The following CNTNAP2 variants were observed in gnomAD, a reference collection of about 807,000 sequenced individuals.
The protein encoded by CNTNAP2 is contactin-associated protein-like 2.
Under a neutral mutation model 155.2 loss-of-function variants are expected in CNTNAP2, and 98 were observed. That is an observed-to-expected ratio of 0.63 (90% CI 0.54 to 0.75). The LOEUF (loss-of-function observed/expected upper bound fraction) is 0.75. Among genes scored for constraint, CNTNAP2 ranks in the 30% least tolerant of loss-of-function variants. The pLI, the probability that CNTNAP2 is intolerant of heterozygous loss-of-function variation, is 0.00. For synonymous variants in CNTNAP2, 651 were observed against 631.2 expected (o/e 1.03, Z -0.47); for missense variants, 1,727 against 1,688.1 (o/e 1.02, Z -0.40).
At chr7:146,989,487 C>G (rs1318056460) in intron 3 of CNTNAP2, among the ~76,000 whole-genome samples, 1 of 151,950 alleles carries the variant, frequency 6.6e-6, no homozygotes, top group African/African-American at 2.4e-5. Flanking sequence ...AGGAAGAGAT[C>G]TTGTCAGCAC....
intron 10 of CNTNAP2, among the ~76,000 whole-genome samples, chr7:147,461,272 C>T (rs1307413112): frequency 6.6e-6 from 1 of 152,162 alleles, no homozygotes; most frequent in Non-Finnish European, 1.5e-5. Context: ...ATCTTTGCTA[C>T]TGAGACACAA....
chr7:147,333,524 G>T (rs1330609533), intron 9 of CNTNAP2, among the ~76,000 whole-genome samples: 1 of 152,050 alleles, frequency 6.6e-6, no homozygotes, highest in East Asian at 1.9e-4. Context: ...TATAATAAAA[G>T]AACCAAACCA....
At chr7:147,449,340 A>G (rs759514502) in intron 10 of CNTNAP2, among the ~76,000 whole-genome samples, 2 of 152,146 alleles carry the variant, frequency 1.3e-5, no homozygotes, top group African/African-American at 2.4e-5. Context: ...GAATGGCTAC[A>G]AGCAACGTTC....
chr7:147,675,791 A>G (rs1416079383), intron 13 of CNTNAP2, among the ~76,000 whole-genome samples: 1 of 152,072 alleles, frequency 6.6e-6, no homozygotes, highest in Non-Finnish European at 1.5e-5. Flanking sequence ...TGAATGTATT[A>G]CAAGATGTGA....
intron 17 of CNTNAP2, among the ~76,000 whole-genome samples, chr7:148,157,586 A>AAAAAAAAAG (rs1554398712): frequency 3.3e-5 from 5 of 150,880 alleles, no homozygotes; most frequent in African/African-American, 1.2e-4. Context: ...AAAAAAAAAA[A>AAAAAAAAAG]GTCACAGAGA....
At chr7:148,225,913 A>G (rs1795839574) in intron 19 of CNTNAP2, among the ~76,000 whole-genome samples, 1 of 152,188 alleles carries the variant, frequency 6.6e-6, no homozygotes, top group South Asian at 2.1e-4. Context: ...CTGCAATGGA[A>G]TACTTTTGGG....
At chr7:146,281,616 G>A (rs1021161829) in intron 1 of CNTNAP2, among the ~76,000 whole-genome samples, 30 of 151,948 alleles carry the variant, frequency 2.0e-4, no homozygotes, top group African/African-American at 7.3e-4. Flanking sequence ...TCAACATGGT[G>A]AAACCCTGTC....
intron 4 of CNTNAP2, among the ~76,000 whole-genome samples, chr7:147,105,862 C>T (rs1356375268): frequency 1.3e-5 from 2 of 151,892 alleles, no homozygotes; most frequent in Admixed American, 1.3e-4. Flanking sequence ...GACAACTTAC[C>T]ATTTGTAAAG....
At chr7:146,753,385 AG>A (rs1801939513) in intron 1 of CNTNAP2, among the ~76,000 whole-genome samples, 1 of 152,068 alleles carries the variant, frequency 6.6e-6, no homozygotes, top group Non-Finnish European at 1.5e-5. Context: ...AAAAAATGTA[AG>A]AATGGTCAAT....
At chr7:148,349,403 C>CTTTTT (rs1457969528) in intron 21 of CNTNAP2, among the ~76,000 whole-genome samples, 10 of 8,674 alleles carry the variant, frequency 1.2e-3, no homozygotes, top group Admixed American at 1.9e-3. Flanking sequence ...CAAAAAAAAT[C>CTTTTT]TCTCTTTTTT....
At chr7:146,427,739 A>T (rs1429298583) in intron 1 of CNTNAP2, among the ~76,000 whole-genome samples, 1 of 152,152 alleles carries the variant, frequency 6.6e-6, no homozygotes, top group Non-Finnish European at 1.5e-5. Context: ...TTTTTAAAAA[A>T]CTGTTTTCAA....
intron 13 of CNTNAP2, among the ~76,000 whole-genome samples, chr7:147,887,983 C>T (rs10249353): frequency 0.039 from 6,004 of 152,232 alleles, 382 homozygotes; most frequent in African/African-American, 0.14. Flanking sequence ...TTGGTAATGT[C>T]TCCATGTATC....
At position 147,684,999 on chromosome 7, in the gene CNTNAP2, T is replaced by A. The variant is rs1795996582; in HGVS notation, c.2098+45693T>A. Among the ~76,000 whole-genome samples, 3 of 151,952 alleles carry A rather than the reference T, an allele frequency of 2.0e-5. No individual in the cohort carries two copies. The South Asian group carries it at 6.2e-4, about 31-fold the overall frequency. ...CACTTCCTTTTCATGTAGCTTTTTT[T>A]AATATTGTTGACATAAGAGAATCTG... On this transcript the variant is annotated intron_variant, in intron 13 of 23. Transcript: ENST00000361727.
chr7:147,598,277 C>T (rs1042833470), intron 12 of CNTNAP2, among the ~76,000 whole-genome samples: 1 of 151,694 alleles, frequency 6.6e-6, no homozygotes, highest in Non-Finnish European at 1.5e-5. Flanking sequence ...AACTCGTCAT[C>T]TAGGTTTTAA....
intron 13 of CNTNAP2, among the ~76,000 whole-genome samples, chr7:147,642,064 A>C: frequency 6.6e-6 from 1 of 151,834 alleles, no homozygotes; most frequent in Admixed American, 6.6e-5. Context: ...TGCCAGGAAA[A>C]GTCAAAGACT....
At chr7:147,235,018 C>T (rs1343834027) in intron 8 of CNTNAP2, among the ~76,000 whole-genome samples, 1 of 152,020 alleles carries the variant, frequency 6.6e-6, no homozygotes, top group Non-Finnish European at 1.5e-5. Context: ...ATTCTGGGTG[C>T]TTTTGTGAGG....
At chr7:148,232,992 G>T (rs2116784813) in intron 20 of CNTNAP2, among the ~76,000 whole-genome samples, 1 of 152,330 alleles carries the variant, frequency 6.6e-6, no homozygotes, top group South Asian at 2.1e-4. Flanking sequence ...GTAGTTATCA[G>T]ACACCAGCGT....
chr7:147,020,020 A>G (rs1798792074), intron 3 of CNTNAP2, among the ~76,000 whole-genome samples: 1 of 152,002 alleles, frequency 6.6e-6, no homozygotes, highest in Non-Finnish European at 1.5e-5. Flanking sequence ...GGTATGGTAT[A>G]GTACAGTACA....
At chr7:147,812,136 C>T (rs1798190126) in intron 13 of CNTNAP2, among the ~76,000 whole-genome samples, 1 of 152,002 alleles carries the variant, frequency 6.6e-6, no homozygotes, top group Non-Finnish European at 1.5e-5. Flanking sequence ...AGGGATTCAC[C>T]ATGTGACTAT....
Sources: allele counts gnomAD v4.1 joint callset (sites outside exome capture counted in the v4.1 genomes callset), GRCh38; gene constraint gnomAD v4.1.1; transcripts MANE v1.5; gene names NCBI Gene and HGNC (gene_info 2026-07-23, HGNC 2026-07-21).